LNX2: variants seen among roughly 807,000 people sequenced by gnomAD.
The protein encoded by LNX2 is ligand of Numb protein X 2.
LNX2 carries 35 observed loss-of-function variants against 66.2 expected under a neutral mutation model. The observed-to-expected ratio is 0.53, with a 90% CI of 0.40 to 0.70. LNX2 has a LOEUF of 0.70. Ranked by LOEUF, LNX2 falls within the 30% of genes least tolerant of loss-of-function variation. LNX2 has a pLI of 0.00. For synonymous variants in LNX2, 337 were observed against 315.6 expected, an observed-to-expected ratio of 1.07 and a Z score of -0.72; for missense variants, 791 against 850.8, an observed-to-expected ratio of 0.93 and a Z score of 0.87.
intron 1 of LNX2, among the ~76,000 whole-genome samples, chr13:27,618,122 A>G (rs1487326957): frequency 6.6e-6 from 1 of 152,244 alleles, no homozygotes; most frequent in Non-Finnish European, 1.5e-5. Flanking sequence ...CTTACCCAGT[A>G]CATGTCAATC....
Position 27,594,694 on chromosome 13 carries a change from G to A in LNX2, c.-100-12891C>T, listed in dbSNP as rs577089066. 1.1e-3 allele frequency among the ~76,000 whole-genome samples: 164 copies of A among 151,958 alleles called. 1 individual carries two copies. Among genetic ancestry groups the A allele is most frequent in the African/African-American group, 2.8e-3 (115 of 41,438 alleles). On this transcript the variant is annotated intron_variant, in intron 1 of 9. Coordinates refer to ENST00000316334, the MANE Select transcript of LNX2 (RefSeq NM_153371.4). ...GTCTTTATTCCCCTCTAAATGATCC[G>A]CTTCCTCAAGGCACGCCTATATTCC...
intron 4 of LNX2, among the ~76,000 whole-genome samples, chr13:27,564,946 C>G (rs1566118396): frequency 6.6e-6 from 1 of 152,118 alleles, no homozygotes; most frequent in Admixed American, 6.5e-5. Flanking sequence ...AAAAGCCAAC[C>G]AGAAGTCAGG....
At chr13:27,576,132 C>A (rs1955337737) in intron 2 of LNX2, among the ~76,000 whole-genome samples, 1 of 152,106 alleles carries the variant, frequency 6.6e-6, no homozygotes, top group African/African-American at 2.4e-5. Context: ...AAAAACATAA[C>A]AAGATATGAC....
intron 1 of LNX2, among the ~76,000 whole-genome samples, chr13:27,586,372 CCTGACCTCACTTCTCTAAG>C (rs1955487295): frequency 6.6e-6 from 1 of 152,074 alleles, no homozygotes; most frequent in Non-Finnish European, 1.5e-5. Flanking sequence ...AGAAAGGCAT[CCTGACCTCACTTCTCTAAG>C]CCCCAATCCC....
chr13:27,581,552 T>G lies in LNX2; in HGVS notation c.152A>C (p.His51Pro). Reference sequence around the variant, plus strand: ...CTGCAGCAGAGGTTGAAGGCAAATATGGCAGACTAGGTCATCATCCACTTC... The same window carrying G: ...CTGCAGCAGAGGTTGAAGGCAAATAGGGCAGACTAGGTCATCATCCACTTC... ...QNEVDDDLVC[H>P]ICLQPLLQPL... Residue 51 changes from histidine (H) to proline (P), a missense_variant, in exon 2 of 10, where the codon CAT becomes CCT. Physicochemically the swap from His to Pro is moderately conservative, Grantham distance 77. Coordinates refer to ENST00000316334, the MANE Select transcript of LNX2 (RefSeq NM_153371.4). 1 of 1,614,238 alleles carries G rather than the reference T, an allele frequency of 6.2e-7. No homozygotes were observed. Among genetic ancestry groups the G allele is most frequent in the East Asian group, 2.2e-5 (1 of 44,882 alleles).
chr13:27,608,961 T>C (rs1214256057), intron 1 of LNX2, among the ~76,000 whole-genome samples: 1 of 152,030 alleles, frequency 6.6e-6, no homozygotes, highest in East Asian at 1.9e-4. Context: ...TGTACCACCA[T>C]GCCCAGCTAA....
rs1955401080 is a variant in LNX2, at chr13:27,581,781, G to GAC, written c.-80_-79dup. 1.6e-6 allele frequency: 2 copies of GAC among 1,253,316 alleles called. No individual in the cohort carries two copies. The highest frequency in any genetic ancestry group is 3.0e-5 in the African/African-American group (2 of 66,654). The allele number at this position is 1,253,316 out of a possible 1,614,324, so 77.6% of individuals were successfully genotyped here. A position where few individuals can be genotyped will look rare whatever the true frequency, so the allele number is the denominator to read the frequency against. On this transcript the variant is annotated 5_prime_UTR_variant, in exon 2 of 10. Transcript: ENST00000316334. Reference sequence around the variant, plus strand: ...TCCTTTAACAGACAGTGATGTATCTGACTAAAGTCAAGGTGTGTTTTTCTA... The same window carrying GAC: ...TCCTTTAACAGACAGTGATGTATCTGACACTAAAGTCAAGGTGTGTTTTTCTA...
At chr13:27,568,257 A>T (rs1566119420) in intron 3 of LNX2, among the ~76,000 whole-genome samples, 1 of 152,332 alleles carries the variant, frequency 6.6e-6, no homozygotes, top group East Asian at 1.9e-4. Context: ...AGCTCGTAAG[A>T]AGAGGTGGGT....
chr13:27,583,219 T>C (rs1356346219), intron 1 of LNX2, among the ~76,000 whole-genome samples: 3,115 of 19,678 alleles, frequency 0.16, 243 homozygotes, highest in African/African-American at 0.2. Flanking sequence ...TGTGTGTGTG[T>C]GTGTGTGTGT....
chr13:27,604,364 C>G (rs993598190), intron 1 of LNX2, among the ~76,000 whole-genome samples: 3 of 152,238 alleles, frequency 2.0e-5, no homozygotes, highest in Non-Finnish European at 4.4e-5. Flanking sequence ...GCAGTGCACT[C>G]CATGCAAATG....
At chr13:27,567,860 C>T in intron 3 of LNX2, 21 bp from the exon 4 acceptor site, 1 of 1,590,896 alleles carries the variant, frequency 6.3e-7, no homozygotes, top group Non-Finnish European at 8.6e-7. Flanking sequence ...AAAAATGAGA[C>T]AGACAAAAAC....
rs758811088 is a variant in LNX2 at position 27,569,067 on chromosome 13, A to C, written c.617T>G (p.Leu206Arg). The change falls in exon 3 of 10, where the codon CTT (leucine) becomes CGT (arginine). Residue 206 changes from leucine to arginine, a missense_variant. Physicochemically the swap from Leu to Arg is moderately radical, Grantham distance 102. Coordinates refer to ENST00000316334, the MANE Select transcript of LNX2 (RefSeq NM_153371.4). Reference sequence around the variant, plus strand: ...GCTCTCCTCAAAGGCAGGGTTGTCAAGGCCAGGCTCCTCACTCCATGTGGA... The same window carrying C: ...GCTCTCCTCAAAGGCAGGGTTGTCACGGCCAGGCTCCTCACTCCATGTGGA... ...SLSTWSEEPG[L>R]DNPAFEESAG... The C allele has an allele frequency of 1.1e-5, 17 of 1,613,902 alleles. No individual in the cohort carries two copies. The South Asian group carries it at 1.2e-4, about 11-fold the overall frequency.
intron 1 of LNX2, among the ~76,000 whole-genome samples, chr13:27,619,060 T>C (rs1955860000): frequency 6.6e-6 from 1 of 152,168 alleles, no homozygotes; most frequent in Non-Finnish European, 1.5e-5. Context: ...AGTGGCTAAA[T>C]GAATAAATAA....
At chr13:27,583,525 T>TGG (rs10626025) in intron 1 of LNX2, among the ~76,000 whole-genome samples, 77,533 of 151,546 alleles carry the variant, frequency 0.51, 20,720 homozygotes, top group African/African-American at 0.67. Flanking sequence ...CCCAAAGTGC[T>TGG]GATTACAGGT....
At chr13:27,570,908 G>A (rs969602066) in intron 2 of LNX2, among the ~76,000 whole-genome samples, 5 of 152,174 alleles carry the variant, frequency 3.3e-5, no homozygotes, top group South Asian at 2.1e-4. Context: ...CTTCACAAAC[G>A]AAATATGTAA....
Position 27,559,915 on chromosome 13 carries a change from T to A in LNX2, c.1295A>T (p.Glu432Val). The change falls in exon 6 of 10, where the codon GAA becomes GTA. Residue 432 changes from glutamate to valine, a missense_variant. Physicochemically the swap from Glu to Val is moderately radical, Grantham distance 121 (BLOSUM62 -2). Transcript: ENST00000316334. Reference sequence around the variant, plus strand: ...GCTGCTGCTGCTATGATTTCCTGCTTCTCTAATGGTGTTACCAGGCTGGGG... The same window carrying A: ...GCTGCTGCTGCTATGATTTCCTGCTACTCTAATGGTGTTACCAGGCTGGGG... The part of the protein sequence containing the change: ...GKPQPGNTIR[E>V]AGNHSSSSQH... 2 of 1,612,102 alleles carry A rather than the reference T, an allele frequency of 1.2e-6. No individual in the cohort carries two copies. Among genetic ancestry groups the A allele is most frequent in the Non-Finnish European group, 1.7e-6 (2 of 1,178,530 alleles).
chr13:27,546,446 A>G lies in LNX2; in HGVS notation c.*1889T>C, dbSNP rs1243881039. On this transcript the variant is annotated 3_prime_UTR_variant, in exon 10 of 10. Coordinates refer to ENST00000316334, the MANE Select transcript of LNX2 (RefSeq NM_153371.4). ...CTTCCAAAGCCAATCATCACACAACAGTAATATACTGTATGGGCCATTCCA... is the reference window on the plus strand; with the variant it reads ...CTTCCAAAGCCAATCATCACACAACGGTAATATACTGTATGGGCCATTCCA... 6.6e-6 allele frequency: 1 copy of G among 152,214 alleles called. No individual in the cohort carries two copies. Among genetic ancestry groups the G allele is most frequent in the Non-Finnish European group, 1.5e-5 (1 of 68,034 alleles). 9.4% of individuals were successfully genotyped at this position (152,214 alleles called of 1,614,324 possible). A position where few individuals can be genotyped will look rare whatever the true frequency, so the allele number is the denominator to read the frequency against.
chr13:27,599,497 C>A (rs1383890523), intron 1 of LNX2, among the ~76,000 whole-genome samples: 1 of 152,170 alleles, frequency 6.6e-6, no homozygotes, highest in Non-Finnish European at 1.5e-5. Context: ...CTACTAGCAT[C>A]CTCATTGCAA....
At chr13:27,597,946 T>C (rs1036932518) in intron 1 of LNX2, among the ~76,000 whole-genome samples, 2 of 152,128 alleles carry the variant, frequency 1.3e-5, no homozygotes, top group Non-Finnish European at 2.9e-5. Context: ...TTTCCTGGTA[T>C]CTCCAAAAAG....
Sources: allele counts gnomAD v4.1 joint callset (sites outside exome capture counted in the v4.1 genomes callset), GRCh38; gene constraint gnomAD v4.1.1; transcripts MANE v1.5; gene names NCBI Gene and HGNC (gene_info 2026-07-23, HGNC 2026-07-21).